The following SERINC1 variants were observed in gnomAD, a reference collection of about 807,000 sequenced individuals.
The protein encoded by SERINC1 is serine incorporator 1.
In SERINC1, 38 loss-of-function variants were observed where a neutral mutation model predicts 52.9. The ratio of observed to expected loss-of-function variants is 0.72; its 90% confidence interval spans 0.55 to 0.94. SERINC1 has a LOEUF of 0.94. Among genes scored for constraint, SERINC1 ranks in the 40% least tolerant of loss-of-function variants. The pLI is 0.00. For synonymous variants in SERINC1, 198 were observed against 183.1 expected (o/e 1.08, Z -0.66); for missense variants, 471 against 533.9 (o/e 0.88, Z 1.16).
At chr6:122,460,627 TA>T (rs1386080460) in intron 1 of SERINC1, among the ~76,000 whole-genome samples, 1 of 152,176 alleles carries the variant, frequency 6.6e-6, no homozygotes, top group South Asian at 2.1e-4. Flanking sequence ...AGCCCAAGAA[TA>T]TTTTTTTGAA....
chr6:122,449,302 A>G (rs1046301334), intron 7 of SERINC1, among the ~76,000 whole-genome samples: 1 of 152,254 alleles, frequency 6.6e-6, no homozygotes. Context: ...GTCAAAAGCT[A>G]GGCCTTCTGT....
chr6:122,444,985 G>A lies in SERINC1; in HGVS notation c.*59C>T. The A allele has an allele frequency of 6.5e-7, 1 of 1,538,808 alleles. No homozygotes were observed. Among genetic ancestry groups the A allele is most frequent in the Non-Finnish European group, 8.9e-7 (1 of 1,126,868 alleles). On this transcript the variant is annotated 3_prime_UTR_variant, in exon 10 of 10. Coordinates refer to ENST00000339697, the MANE Select transcript of SERINC1 (RefSeq NM_020755.4). ...AACATACACAACTTTACAAAAGTTG[G>A]GAATACTGTTTTCAAATAAGCAATA...
chr6:122,444,988 AT>A lies in SERINC1; in HGVS notation c.*55del. The A allele has an allele frequency of 6.4e-7, 1 of 1,556,598 alleles. No homozygotes were observed. Among genetic ancestry groups the A allele is most frequent in the Non-Finnish European group, 8.8e-7 (1 of 1,140,892 alleles). ...ATACACAACTTTACAAAAGTTGGGA[AT>A]ACTGTTTTCAAATAAGCAATAATCA... is the stretch of plus-strand genomic sequence containing the variant. On this transcript the variant is annotated 3_prime_UTR_variant, in exon 10 of 10. Transcript: ENST00000339697.
chr6:122,450,039 A>C (rs1034421934), intron 7 of SERINC1, among the ~76,000 whole-genome samples: 12 of 152,298 alleles, frequency 7.9e-5, no homozygotes, highest in African/African-American at 2.6e-4. Context: ...AAGAAAAAAG[A>C]AAGCAGCCAA....
At chr6:122,457,382 A>G (rs1287300477) in intron 2 of SERINC1, among the ~76,000 whole-genome samples, 1 of 152,124 alleles carries the variant, frequency 6.6e-6, no homozygotes, top group Non-Finnish European at 1.5e-5. Flanking sequence ...TTCAATTTCT[A>G]TCCTCAAGGC....
chr6:122,470,872 G>C (rs1010619055), intron 1 of SERINC1, among the ~76,000 whole-genome samples: 7 of 151,860 alleles, frequency 4.6e-5, no homozygotes, highest in African/African-American at 1.7e-4. Context: ...TATTTTGGAG[G>C]GGGCAGAGAT....
intron 7 of SERINC1, among the ~76,000 whole-genome samples, chr6:122,451,449 C>G (rs1463558255): frequency 1.3e-5 from 2 of 152,020 alleles, no homozygotes; most frequent in African/African-American, 2.4e-5. Context: ...TGAAACTGAA[C>G]TCACAGTTTC....
intron 1 of SERINC1, among the ~76,000 whole-genome samples, chr6:122,468,204 T>A (rs984391943): frequency 3.3e-5 from 5 of 152,212 alleles, no homozygotes; most frequent in Non-Finnish European, 5.9e-5. Context: ...AAAAAGTTAC[T>A]CCAACTTCAA....
intron 9 of SERINC1, 55 bp downstream of exon 9, chr6:122,446,719 A>C (rs961490036): frequency 8.5e-7 from 1 of 1,177,614 alleles, no homozygotes; most frequent in South Asian, 1.3e-5. Context: ...TCACAAGAGA[A>C]TCATAAAATG....
In SERINC1 at chr6:122,451,019, G is replaced by A. The variant is rs564053949; in HGVS notation, c.850+645C>T. On this transcript the variant is annotated intron_variant, in intron 7 of 9. Coordinates refer to ENST00000339697, the MANE Select transcript of SERINC1 (RefSeq NM_020755.4). ...AACCAGGAGCAGGTTTAAGAGGATTGACTCCAATTTGGAAGGAAATTCTAC... is the reference window on the plus strand; with the variant it reads ...AACCAGGAGCAGGTTTAAGAGGATTAACTCCAATTTGGAAGGAAATTCTAC... Among the ~76,000 whole-genome samples, 18 of 152,260 alleles carry A rather than the reference G, an allele frequency of 1.2e-4. No homozygotes were observed. The East Asian group carries it at 2.9e-3, about 25-fold the overall frequency.
intron 7 of SERINC1, 33 bp from the exon 8 acceptor site, chr6:122,447,298 T>A (rs192069725): frequency 6.5e-7 from 1 of 1,531,760 alleles, no homozygotes; most frequent in East Asian, 2.3e-5. Context: ...AATGTTAGAA[T>A]ATATTAAAAA....
intron 1 of SERINC1, 69 bp downstream of exon 1, chr6:122,471,630 C>A: frequency 1.2e-6 from 2 of 1,601,854 alleles, no homozygotes; most frequent in Non-Finnish European, 1.7e-6. Context: ...GCTCACCCAG[C>A]CCCGGCTCGG....
chr6:122,448,811 G>A (rs12663620), intron 7 of SERINC1, among the ~76,000 whole-genome samples: 1 of 81,278 alleles, frequency 1.2e-5, no homozygotes, highest in African/African-American at 4.6e-5. Context: ...TTTTTTTTTA[G>A]CATTTTACAG....
chr6:122,454,047 CA>C (rs1480123482), intron 4 of SERINC1, 103 bp downstream of exon 4: 3,624 of 1,050,800 alleles, frequency 3.4e-3, no homozygotes, highest in South Asian at 5.9e-3. Context: ...CACACACACA[CA>C]CACCCCCAAA....
chr6:122,453,995 T>C (rs904897373), intron 4 of SERINC1, 88 bp from the exon 5 acceptor site: 10 of 1,403,552 alleles, frequency 7.1e-6, no homozygotes, highest in African/African-American at 2.9e-5. Context: ...AAAAGGAAAA[T>C]AAAATTTTAT....
chr6:122,445,796 G>A (rs1490476882), intron 9 of SERINC1, among the ~76,000 whole-genome samples: 1 of 100,964 alleles, frequency 9.9e-6, no homozygotes, highest in Non-Finnish European at 2.2e-5. Flanking sequence ...TGAGGCAGGA[G>A]AATGGCGTGA....
intron 1 of SERINC1, among the ~76,000 whole-genome samples, chr6:122,469,880 GAATA>G (rs1446908258): frequency 1.3e-5 from 2 of 152,058 alleles, no homozygotes; most frequent in African/African-American, 4.8e-5. Context: ...TTGAAAAGCT[GAATA>G]AATTTTAATT....
intron 1 of SERINC1, among the ~76,000 whole-genome samples, chr6:122,470,150 CAG>C (rs1282278120): frequency 2.0e-5 from 3 of 152,192 alleles, no homozygotes; most frequent in Non-Finnish European, 4.4e-5. Flanking sequence ...TTCCAGGCTG[CAG>C]TTCACTACGA....
intron 1 of SERINC1, among the ~76,000 whole-genome samples, chr6:122,464,186 T>C (rs1775150254): frequency 6.6e-6 from 1 of 152,152 alleles, no homozygotes; most frequent in Non-Finnish European, 1.5e-5. Context: ...CCAAAACGGT[T>C]ACACGACTAG....
Sources: allele counts gnomAD v4.1 joint callset (sites outside exome capture counted in the v4.1 genomes callset), GRCh38; gene constraint gnomAD v4.1.1; transcripts MANE v1.5; gene names NCBI Gene and HGNC (gene_info 2026-07-23, HGNC 2026-07-21).